Variants in SRP68 observed in about 807,000 individuals in gnomAD.
The protein encoded by SRP68 is signal recognition particle 68.
A neutral mutation model predicts 82.2 loss-of-function variants in SRP68; 15 were observed. The ratio of observed to expected loss-of-function variants is 0.18; its 90% CI spans 0.12 to 0.28. The LOEUF (loss-of-function observed/expected upper bound fraction) is 0.28, where lower values mean the gene tolerates loss of function less well. Among genes scored for constraint, SRP68 ranks in the 10% least tolerant of loss-of-function variants. The pLI is 1.00. For synonymous variants in SRP68, 261 were observed against 292.6 expected (o/e 0.89, Z 1.10); for missense variants, 595 against 780.5 (o/e 0.76, Z 2.83).
At chr17:76,070,624 T>G (rs1424003483) in intron 1 of SRP68, among the ~76,000 whole-genome samples, 180 bp from the exon 2 acceptor site, 1 of 152,128 alleles carries the variant, frequency 6.6e-6, no homozygotes, top group African/African-American at 2.4e-5. Context: ...GTGTATCACC[T>G]GAGGTCAGGA....
rs745371890 is a variant in SRP68 at position 76,046,078 on chromosome 17, C to A, written c.1259G>T (p.Arg420Leu). ...QPEDDSKRSP[R>L]PQDLIRLYDI... ...ATAGAGTCGGATCAGGTCCTGGGGC[C>A]GGGGTGAGCGCTTGCTGTCATCCTC... Residue 420 changes from arginine (R) to leucine (L), a missense_variant, in exon 11 of 16, where the codon CGG (arginine) becomes CTG (leucine). Transcript: ENST00000307877. 6.2e-7 allele frequency: 1 copy of A among 1,613,918 alleles called. No homozygotes were observed.
intron 11 of SRP68, 91 bp from the exon 12 acceptor site, chr17:76,045,477 G>A: frequency 2.1e-6 from 2 of 938,194 alleles, no homozygotes; most frequent in Non-Finnish European, 3.0e-6. Flanking sequence ...ACAAGAGTGA[G>A]GAAAAAAAAA....
chr17:76,052,824 C>T (rs1287243008), intron 8 of SRP68, among the ~76,000 whole-genome samples: 1 of 150,606 alleles, frequency 6.6e-6, no homozygotes, highest in African/African-American at 2.4e-5. Flanking sequence ...AAAAAAAATC[C>T]CTAGATGATG....
rs1415900690 is a variant in SRP68, at chr17:76,061,477, G to C, written c.644+15C>G. ...TAATTAAAACTGGCCACAGCCTTTG[G>C]ACTATAGGACTTACTTGCATTTGTT... On this transcript the variant is annotated intron_variant, in intron 5 of 15. Transcript: ENST00000307877. 6.2e-7 allele frequency: 1 copy of C among 1,608,832 alleles called. No homozygotes were observed. Among genetic ancestry groups the C allele is most frequent in the South Asian group, 1.1e-5 (1 of 90,848 alleles).
At position 76,072,418 on chromosome 17, in the gene SRP68, C is replaced by A. The variant is rs747625446; in HGVS notation, c.74G>T (p.Gly25Val). The A allele has an allele frequency of 1.5e-5, 24 of 1,585,404 alleles. No homozygotes were observed. The highest frequency in any genetic ancestry group is 2.0e-5 in the Non-Finnish European group (23 of 1,167,786). Residue 25 changes from glycine to valine, a missense_variant, in exon 1 of 16, where the codon GGC becomes GTC. This residue lies in a region of SRP68 where 100 missense variants were observed against 91.9 expected (regional missense o/e 1.09). Transcript: ENST00000307877. The surrounding 1 kb of genome is among the most constrained non-coding windows in gnomAD (Gnocchi z 4.5). Reference protein sequence around the residue: ...GSGGGGGSGGGGSGGGRGAGG... With the variant: ...GSGGGGGSGGVGSGGGRGAGG... ...GGCACCACGTCCACCGCCGCTACCG[C>A]CGCCGCCACTGCCACCGCCGCCGCC... is the stretch of plus-strand genomic sequence containing the variant.
At position 76,040,497 on chromosome 17, in the gene SRP68, G is replaced by C. The variant is rs1371878200; in HGVS notation, c.1601-23C>G. ...CATCTGAAAGTTTCACAGGGATTCA[G>C]TAAGAACAAGGATTTATAATAGCAC... On this transcript the variant is annotated intron_variant, in intron 14 of 15. Transcript: ENST00000307877. 3.7e-6 allele frequency: 6 copies of C among 1,610,582 alleles called. No individual in the cohort carries two copies. The African/African-American group carries it at 5.3e-5, about 14-fold the overall frequency.
At chr17:76,044,200 T>G (rs1264703336) in intron 12 of SRP68, among the ~76,000 whole-genome samples, 2 of 152,140 alleles carry the variant, frequency 1.3e-5, no homozygotes, top group African/African-American at 4.8e-5. Context: ...ACTGACTGGC[T>G]GACTCTGCAG....
intron 6 of SRP68, chr17:76,060,842 TA>T: frequency 7.2e-6 from 3 of 419,558 alleles, no homozygotes; most frequent in Non-Finnish European, 8.5e-6. Context: ...TCTAAAACAG[TA>T]AAAAATGAAC....
intron 8 of SRP68, among the ~76,000 whole-genome samples, chr17:76,055,537 C>T (rs768176135): frequency 2.6e-5 from 4 of 151,610 alleles, no homozygotes; most frequent in East Asian, 2.0e-4. Flanking sequence ...GGGTGGATCA[C>T]GAGGGCAGGA....
At position 76,039,913 on chromosome 17, in the gene SRP68, CTCAAACCGT is replaced by C; in HGVS notation, c.1668_1676del (p.Arg557_Glu559del). 4 of 1,614,210 alleles carry C rather than the reference CTCAAACCGT, an allele frequency of 2.5e-6. No homozygotes were observed. The highest frequency in any genetic ancestry group is 3.4e-6 in the Non-Finnish European group (4 of 1,180,032). The stretch of plus-strand genomic sequence containing the variant: ...CAAGGGAAGGGTCCAGGCAGAATGT[CTCAAACCGT>C]TCAACCAGAGGCTGGAAGTCAAATC... On this transcript the variant is annotated inframe_deletion, in exon 16 of 16. Transcript: ENST00000307877.
At chr17:76,046,936 A>G (rs1306482515) in intron 10 of SRP68, among the ~76,000 whole-genome samples, 1 of 152,104 alleles carries the variant, frequency 6.6e-6, no homozygotes, top group African/African-American at 2.4e-5. Context: ...GCGAGACTCC[A>G]TCTCTCTAAA....
intron 12 of SRP68, 57 bp from the exon 13 acceptor site, chr17:76,044,015 G>C: frequency 6.4e-7 from 1 of 1,555,090 alleles, no homozygotes; most frequent in African/African-American, 1.4e-5. Flanking sequence ...CCAAGACCAA[G>C]GCTTTCCTTG....
Position 76,072,506 on chromosome 17 carries a change from G to A in SRP68, c.-15C>T. ...TCAGCAGCCATCTTGCCCCTGCGCC[G>A]CAGAGCAAGACGGGATAGGGGAGGC... On this transcript the variant is annotated 5_prime_UTR_variant, in exon 1 of 16. Transcript: ENST00000307877. This position sits in a 1 kb window ranked among gnomAD's most constrained non-coding sequence, Gnocchi z 4.5. 1 of 1,580,260 alleles carries A rather than the reference G, an allele frequency of 6.3e-7. No individual in the cohort carries two copies. Among genetic ancestry groups the A allele is most frequent in the Non-Finnish European group, 8.5e-7 (1 of 1,172,390 alleles).
intron 4 of SRP68, among the ~76,000 whole-genome samples, chr17:76,062,587 A>ATATAATATACATTATATATTATATAT (rs1567934803): frequency 3.2e-5 from 1 of 31,222 alleles, no homozygotes; most frequent in African/African-American, 2.2e-4. Flanking sequence ...ACATTATATA[A>ATATAATATACATTATATATTATATAT]TATATAATAT....
chr17:76,055,807 CTTTTTTTT>C (rs1032113845), intron 8 of SRP68, among the ~76,000 whole-genome samples: 1 of 106,568 alleles, frequency 9.4e-6, no homozygotes, highest in Non-Finnish European at 1.8e-5. Flanking sequence ...TTTTTTTCTT[CTTTTTTTT>C]TTTTTTTTTT....
At position 76,043,890 on chromosome 17, in the gene SRP68, C is replaced by A; in HGVS notation, c.1463G>T (p.Arg488Ile). 1 of 1,612,306 alleles carries A rather than the reference C, an allele frequency of 6.2e-7. No individual in the cohort carries two copies. ...KWSEALVLYD[R>I]VLKYANEVNS... The stretch of plus-strand genomic sequence containing the variant: ...TACTTCATTTGCATATTTCAGGACT[C>A]TGTCATACAGGACAAGGGCTTCGCT... Residue 488 changes from arginine to isoleucine, a missense_variant, in exon 13 of 16, where the codon AGA becomes ATA. Coordinates refer to ENST00000307877, the MANE Select transcript of SRP68 (RefSeq NM_014230.4).
chr17:76,055,145 A>G (rs556234496), intron 8 of SRP68, among the ~76,000 whole-genome samples: 171 of 151,816 alleles, frequency 1.1e-3, no homozygotes, highest in Admixed American at 1.3e-3. Flanking sequence ...TACTTTTAGT[A>G]GAGATGGGGT....
chr17:76,040,193 C>A (rs1273426991), intron 15 of SRP68, among the ~76,000 whole-genome samples: 2 of 152,198 alleles, frequency 1.3e-5, no homozygotes, highest in Non-Finnish European at 2.9e-5. Context: ...AGAGCTCTTA[C>A]CCACGGGTGC....
At position 76,039,472 on chromosome 17, in the gene SRP68, G is replaced by A. The variant is rs1427124581; in HGVS notation, c.*234C>T. 2 of 654,628 alleles carry A rather than the reference G, an allele frequency of 3.1e-6. No individual in the cohort carries two copies. Among genetic ancestry groups the A allele is most frequent in the African/African-American group, 1.8e-5 (1 of 56,100 alleles). The allele number at this position is 654,628 out of a possible 1,614,324, so 40.6% of individuals were successfully genotyped here. ...GACAGCAGCGGCCCCTTTCCCAGGA[G>A]GTACAGGAGACAGGATGACCCTGCA... On this transcript the variant is annotated 3_prime_UTR_variant, in exon 16 of 16. Coordinates refer to ENST00000307877, the MANE Select transcript of SRP68 (RefSeq NM_014230.4).
Sources: gnomAD v4.1 joint callset for allele counts (sites outside exome capture counted in the v4.1 genomes callset) on GRCh38, gnomAD v4.1.1 for gene constraint, gnomAD v4.1.1 regional missense constraint, Gnocchi (gnomAD v3.1) non-coding constraint, MANE v1.5 for transcripts, NCBI Gene and HGNC (gene_info 2026-07-23, HGNC 2026-07-21) for gene names.